PIK3R3: variants seen among roughly 807,000 people sequenced by gnomAD.
PIK3R3 encodes the protein phosphatidylinositol 3-kinase regulatory subunit gamma.
Under a neutral mutation model 62.9 loss-of-function variants are expected in PIK3R3, and 64 were observed. The observed-to-expected ratio is 1.02, with a 90% CI of 0.83 to 1.25. The LOEUF is 1.25. PIK3R3 is among the 50% of genes most tolerant of loss of function. The pLI, the probability that PIK3R3 is intolerant of heterozygous loss-of-function variation, is 0.00. For missense variants in PIK3R3, 614 were observed against 561.6 expected, an observed-to-expected ratio of 1.09 and a Z score of -0.94; for synonymous variants, 165 against 189.0, an observed-to-expected ratio of 0.87 and a Z score of 1.04.
the PIK3R3 span, among the ~76,000 whole-genome samples, chr1:46,149,526 GGTTTTT>G: frequency 4.8e-4 from 73 of 151,862 alleles, no homozygotes; most frequent in Middle Eastern, 3.4e-3. Context: ...GTGTGTGTGT[GGTTTTT>G]GTTTTTGTTT....
At chr1:46,062,323 C>G (rs981681970) in intron 5 of PIK3R3, among the ~76,000 whole-genome samples, 2 of 152,208 alleles carry the variant, frequency 1.3e-5, no homozygotes, top group African/African-American at 4.8e-5. Context: ...CACCTGTGAT[C>G]TCAGCACTTT....
intron 3 of PIK3R3, among the ~76,000 whole-genome samples, chr1:46,071,426 T>C (rs1458502340): frequency 6.7e-6 from 1 of 149,972 alleles, no homozygotes; most frequent in African/African-American, 2.4e-5. Context: ...ATCCCCGCGG[T>C]AGCTCACGCC....
chr1:46,050,888 A>G (rs1647287373), intron 7 of PIK3R3, among the ~76,000 whole-genome samples: 2 of 152,254 alleles, frequency 1.3e-5, no homozygotes, highest in Admixed American at 1.3e-4. Context: ...GGAATGAAAT[A>G]CTGACATACG....
At chr1:46,077,291 C>A (rs1650151739) in intron 3 of PIK3R3, among the ~76,000 whole-genome samples, 1 of 152,078 alleles carries the variant, frequency 6.6e-6, no homozygotes, top group South Asian at 2.1e-4. Context: ...GGATTTTAAC[C>A]TTTTCATTTT....
At chr1:46,076,458 G>A (rs180902920) in intron 3 of PIK3R3, among the ~76,000 whole-genome samples, 33 of 152,316 alleles carry the variant, frequency 2.2e-4, no homozygotes, top group East Asian at 9.6e-4. Context: ...AGCAGTCTCC[G>A]TGGAGTGGTG....
Position 46,066,122 on chromosome 1 carries a change from G to A in PIK3R3, c.553C>T (p.His185Tyr). The change falls in exon 5 of 10, where the codon CAC becomes TAC. Residue 185 changes from histidine to tyrosine, a missense_variant. Transcript: ENST00000262741. ...TTACTCTTCTCCTGATACTGAGAGT[G>A]GTATTCTTGCAGTTTTTTACCTACT... Reference protein sequence around the residue: ...DAVGKKLQEYHSQYQEKSKEY... With the variant: ...DAVGKKLQEYYSQYQEKSKEY... 2 of 1,594,278 alleles carry A rather than the reference G, an allele frequency of 1.3e-6. No individual in the cohort carries two copies. The highest frequency in any genetic ancestry group is 1.7e-5 in the Admixed American group (1 of 59,934).
In PIK3R3 at chr1:46,061,952, C is replaced by T. The variant is rs756299829; in HGVS notation, c.741G>A (p.Glu247=). Residue 247 remains glutamate, a synonymous_variant, in exon 6 of 10, where the codon GAG becomes GAA. Transcript: ENST00000262741. The part of the protein sequence containing the change: ...SKEYIERFRR[E]GNEKEIERIM... ...ACCGTTCAATCTCCTTTTCATTCCC[C>T]TCTCTGCGAAATCGCTCAATATATT... The T allele has an allele frequency of 2.5e-6, 4 of 1,613,584 alleles. No individual in the cohort carries two copies. Among genetic ancestry groups the T allele is most frequent in the South Asian group, 1.1e-5 (1 of 91,040 alleles).
chr1:46,091,900 G>T (rs956167363), intron 1 of PIK3R3, among the ~76,000 whole-genome samples: 1 of 152,002 alleles, frequency 6.6e-6, no homozygotes, highest in Non-Finnish European at 1.5e-5. Flanking sequence ...GTAAATAATT[G>T]TTATACTATA....
chr1:46,060,042 G>A (rs978532129), intron 6 of PIK3R3, among the ~76,000 whole-genome samples: 5 of 152,214 alleles, frequency 3.3e-5, no homozygotes, highest in African/African-American at 1.2e-4. Flanking sequence ...GGAGGGTGCA[G>A]TGAGCCGAAA....
chr1:46,111,150 T>A (rs1653708093), intron 1 of PIK3R3, among the ~76,000 whole-genome samples: 1 of 152,138 alleles, frequency 6.6e-6, no homozygotes. Flanking sequence ...TGCCAGATAC[T>A]GGGTGTTATT....
upstream of PIK3R3, chr1:46,132,676 C>T (rs750379628): frequency 2.2e-5 from 29 of 1,289,648 alleles, no homozygotes; most frequent in Non-Finnish European, 2.8e-5. Context: ...GAGGGGACAC[C>T]CTCCCCGCCC....
chr1:46,123,879 T>G (rs921062755), intron 1 of PIK3R3, among the ~76,000 whole-genome samples: 1 of 152,224 alleles, frequency 6.6e-6, no homozygotes, highest in Middle Eastern at 3.2e-3. Flanking sequence ...TACAAATCAT[T>G]TCTAAGGTGA....
chr1:46,065,543 G>A (rs1648909230), intron 5 of PIK3R3, among the ~76,000 whole-genome samples: 2 of 152,198 alleles, frequency 1.3e-5, no homozygotes, highest in Non-Finnish European at 2.9e-5. Flanking sequence ...CTGTAGCTAG[G>A]TATGCCCATG....
At chr1:46,146,951 C>T in the PIK3R3 span, among the ~76,000 whole-genome samples, 3 of 152,102 alleles carry the variant, frequency 2.0e-5, no homozygotes, top group East Asian at 1.9e-4. Flanking sequence ...TGTACCCTCA[C>T]GGACCTATAG....
chr1:46,104,160 T>A (rs919953165), intron 1 of PIK3R3, among the ~76,000 whole-genome samples: 10 of 151,864 alleles, frequency 6.6e-5, no homozygotes, highest in South Asian at 6.2e-4. Flanking sequence ...ACTCCTGACC[T>A]CAGGTGATCC....
intron 1 of PIK3R3, among the ~76,000 whole-genome samples, chr1:46,101,980 C>CTTTTTTTTTT (rs538688681): frequency 4.4e-5 from 4 of 89,930 alleles, no homozygotes; most frequent in East Asian, 3.5e-4. Context: ...GAATTGTATA[C>CTTTTTTTTTT]TTTTTTTTTT....
chr1:46,042,277 A>G lies in PIK3R3; in HGVS notation c.*1396T>C. 4.4e-6 allele frequency: 1 copy of G among 228,344 alleles called. No homozygotes were observed. Among genetic ancestry groups the G allele is most frequent in the Non-Finnish European group, 8.7e-6 (1 of 114,958 alleles). 14.1% of individuals were successfully genotyped at this position (228,344 alleles called of 1,614,324 possible). On this transcript the variant is annotated 3_prime_UTR_variant, in exon 10 of 10. Coordinates refer to ENST00000262741, the MANE Select transcript of PIK3R3 (RefSeq NM_003629.4). This position sits in a 1 kb window ranked among gnomAD's most constrained non-coding sequence, Gnocchi z 4.3. ...TGGAGCAGAAGATTCCTGGCCTAAA[A>G]TCAAGGCCACTGGAGCAGGAGGGCA...
At chr1:46,068,319 A>G (rs767052481) in intron 3 of PIK3R3, among the ~76,000 whole-genome samples, 4 of 152,234 alleles carry the variant, frequency 2.6e-5, no homozygotes, top group Non-Finnish European at 5.9e-5. Context: ...CTGAATATCT[A>G]TGTGCCAGGA....
the PIK3R3 span, among the ~76,000 whole-genome samples, chr1:46,172,151 T>C: frequency 6.6e-6 from 1 of 152,168 alleles, no homozygotes; most frequent in Non-Finnish European, 1.5e-5. Context: ...CCTGCACCTG[T>C]GCCAACTGTC....
Sources: allele counts gnomAD v4.1 joint callset (sites outside exome capture counted in the v4.1 genomes callset), GRCh38; gene constraint gnomAD v4.1.1; non-coding constraint Gnocchi (gnomAD v3.1); transcripts MANE v1.5; gene names NCBI Gene and HGNC (gene_info 2026-07-23, HGNC 2026-07-21).